The following DNAJC3 variants were observed in gnomAD, a reference collection of about 807,000 sequenced individuals.
DNAJC3 encodes dnaJ homolog subfamily C member 3.
In DNAJC3, 38 loss-of-function variants were observed where a neutral mutation model predicts 68.6. That is an observed-to-expected ratio of 0.55 (90% CI 0.43 to 0.73). The LOEUF is 0.73. Ranked by LOEUF, DNAJC3 falls within the 30% of genes least tolerant of loss-of-function variation. The probability of loss-of-function intolerance (pLI) is 0.00; values close to 1 mark genes in which losing one functional copy is unlikely to be tolerated. For missense variants in DNAJC3, 526 were observed against 591.9 expected, an observed-to-expected ratio of 0.89 and a Z score of 1.16; for synonymous variants, 203 against 204.0, an observed-to-expected ratio of 1.00 and a Z score of 0.04.
intron 4 of DNAJC3, among the ~76,000 whole-genome samples, chr13:95,751,750 G>A (rs566381338): frequency 3.9e-5 from 6 of 152,142 alleles, no homozygotes; most frequent in Non-Finnish European, 8.8e-5. Flanking sequence ...AGACATACCC[G>A]ACACTGGGTA....
intron 4 of DNAJC3, among the ~76,000 whole-genome samples, chr13:95,734,339 C>T (rs1279414861): frequency 6.6e-6 from 1 of 152,186 alleles, no homozygotes; most frequent in Non-Finnish European, 1.5e-5. Context: ...TTGAGTATAT[C>T]ATTCCATTCC....
chr13:95,684,127 G>A (rs1344946192), intron 1 of DNAJC3, among the ~76,000 whole-genome samples: 1 of 152,134 alleles, frequency 6.6e-6, no homozygotes, highest in Non-Finnish European at 1.5e-5. Context: ...AAGACAGGAA[G>A]AGGAACGAAA....
At chr13:95,690,913 G>T (rs1880225990) in intron 1 of DNAJC3, among the ~76,000 whole-genome samples, 1 of 137,630 alleles carries the variant, frequency 7.3e-6, no homozygotes. Context: ...TGGCCGGGCG[G>T]GGGGCTGACC....
chr13:95,750,277 A>C (rs918166263), intron 4 of DNAJC3, among the ~76,000 whole-genome samples: 4 of 151,562 alleles, frequency 2.6e-5, no homozygotes, highest in Non-Finnish European at 4.4e-5. Context: ...AAAAAAAAAA[A>C]AAAAAAACCC....
intron 4 of DNAJC3, among the ~76,000 whole-genome samples, chr13:95,738,905 T>C (rs1275798616): frequency 6.6e-6 from 1 of 152,168 alleles, no homozygotes; most frequent in Non-Finnish European, 1.5e-5. Flanking sequence ...GTTGATGCAG[T>C]TTCTTCCTAG....
chr13:95,787,193 G>A (rs1318298495), intron 11 of DNAJC3, 38 bp downstream of exon 11: 1 of 1,593,848 alleles, frequency 6.3e-7, no homozygotes, highest in Non-Finnish European at 8.5e-7. Flanking sequence ...CATCCTAGAG[G>A]TGGTGTTAGA....
chr13:95,701,066 C>T (rs1267479049), intron 1 of DNAJC3, among the ~76,000 whole-genome samples: 1 of 152,108 alleles, frequency 6.6e-6, no homozygotes, highest in Admixed American at 6.6e-5. Context: ...CCAGCCTTTT[C>T]GACAAAGGTA....
intron 2 of DNAJC3, among the ~76,000 whole-genome samples, chr13:95,719,913 C>A (rs1277807818): frequency 6.6e-6 from 1 of 152,142 alleles, no homozygotes; most frequent in African/African-American, 2.4e-5. Flanking sequence ...ATGTAGTTTA[C>A]CGTATACCAT....
At chr13:95,734,830 TAATTA>T (rs1333510165) in intron 4 of DNAJC3, among the ~76,000 whole-genome samples, 3 of 151,354 alleles carry the variant, frequency 2.0e-5, no homozygotes, top group African/African-American at 4.9e-5. Flanking sequence ...TTTTTTTTTT[TAATTA>T]TACTTTAAGT....
Position 95,786,189 on chromosome 13 carries a change from GATTAAACCTTAACAGTC to G in DNAJC3, c.1208+119_1208+135del. ...TTACTTATGTAATTTCAGTCATATG[GATTAAACCTTAACAGTC>G]TTTAACATTAGAAAGCTACTTTGAG... On this transcript the variant is annotated intron_variant, in intron 10 of 11. Coordinates refer to ENST00000602402, the MANE Select transcript of DNAJC3 (RefSeq NM_006260.5). 2.6e-6 allele frequency: 3 copies of G among 1,139,026 alleles called. No homozygotes were observed. In the South Asian group the frequency reaches 5.2e-5, roughly 20 times the overall value. 70.6% of individuals were successfully genotyped at this position (1,139,026 alleles called of 1,614,324 possible).
At chr13:95,784,253 G>A (rs1883531838) in intron 9 of DNAJC3, among the ~76,000 whole-genome samples, 1 of 152,118 alleles carries the variant, frequency 6.6e-6, no homozygotes, top group African/African-American at 2.4e-5. Flanking sequence ...TTGAGTGGGG[G>A]CTTCCCTAGA....
chr13:95,780,825 T>C (rs1883429000), intron 9 of DNAJC3, among the ~76,000 whole-genome samples: 1 of 152,184 alleles, frequency 6.6e-6, no homozygotes, highest in South Asian at 2.1e-4. Context: ...GTTTTAATGA[T>C]TCAGGTGAAT....
intron 9 of DNAJC3, among the ~76,000 whole-genome samples, chr13:95,779,404 A>G (rs9590324): frequency 0.016 from 2,394 of 152,230 alleles, 48 homozygotes; most frequent in African/African-American, 0.045. Flanking sequence ...GATTACAGGC[A>G]TGAGCCATCG....
intron 4 of DNAJC3, among the ~76,000 whole-genome samples, chr13:95,729,281 C>CCTCCCT (rs1261691455): frequency 7.3e-5 from 8 of 109,988 alleles, no homozygotes; most frequent in African/African-American, 1.8e-4. Flanking sequence ...TCCCCCTCCC[C>CCTCCCT]CTCCCTCTCC....
At chr13:95,782,445 C>G (rs918767314) in intron 9 of DNAJC3, among the ~76,000 whole-genome samples, 1 of 152,208 alleles carries the variant, frequency 6.6e-6, no homozygotes, top group African/African-American at 2.4e-5. Flanking sequence ...TCCTATTTCT[C>G]TACATCCTCT....
At chr13:95,780,582 CTTTG>C (rs1396072461) in intron 9 of DNAJC3, among the ~76,000 whole-genome samples, 1 of 152,138 alleles carries the variant, frequency 6.6e-6, no homozygotes, top group Admixed American at 6.5e-5. Flanking sequence ...TGTACAGTTT[CTTTG>C]TATTGTTTTG....
intron 11 of DNAJC3, among the ~76,000 whole-genome samples, chr13:95,790,312 ATCTC>A (rs1306625026): frequency 1.3e-5 from 2 of 151,888 alleles, no homozygotes; most frequent in Admixed American, 6.6e-5. Flanking sequence ...CTCTGCATTG[ATCTC>A]TCTCTGTTCG....
intron 2 of DNAJC3, among the ~76,000 whole-genome samples, chr13:95,720,821 T>TTTTGTTG (rs1309438484): frequency 6.6e-6 from 1 of 152,208 alleles, no homozygotes; most frequent in East Asian, 1.9e-4. Flanking sequence ...GAAGGTTTTT[T>TTTTGTTG]TTTGTTGTTA....
intron 4 of DNAJC3, among the ~76,000 whole-genome samples, chr13:95,752,449 T>C (rs1882508996): frequency 6.6e-6 from 1 of 152,228 alleles, no homozygotes; most frequent in African/African-American, 2.4e-5. Context: ...TCTGCTTCTA[T>C]ATTCAATCTG....
Sources: gnomAD v4.1 joint callset for allele counts (sites outside exome capture counted in the v4.1 genomes callset) on GRCh38, gnomAD v4.1.1 for gene constraint, MANE v1.5 for transcripts, NCBI Gene and HGNC (gene_info 2026-07-23, HGNC 2026-07-21) for gene names.